Variants in FRY observed in about 807,000 individuals in gnomAD.
The protein encoded by FRY is FRY microtubule binding protein.
FRY carries 128 observed loss-of-function variants against 348.4 expected under a neutral mutation model. The ratio of observed to expected loss-of-function variants is 0.37; its 90% confidence interval spans 0.32 to 0.43. FRY has a LOEUF of 0.43. Ranked by LOEUF, FRY falls within the 20% of genes least tolerant of loss-of-function variation. The probability of loss-of-function intolerance (pLI) is 1.00; values close to 1 mark genes in which losing one functional copy is unlikely to be tolerated. For missense variants in FRY, 2,736 were observed against 3,695.2 expected, an observed-to-expected ratio of 0.74 and a Z score of 6.73; for synonymous variants, 1,370 against 1,374.7, an observed-to-expected ratio of 1.00 and a Z score of 0.08.
intron 1 of FRY, among the ~76,000 whole-genome samples, chr13:32,065,703 C>T (rs148334709): frequency 0.014 from 2,135 of 152,184 alleles, 49 homozygotes; most frequent in African/African-American, 0.048. Context: ...TGGGCTCAAG[C>T]GATCCTCCCG....
intron 3 of FRY, among the ~76,000 whole-genome samples, chr13:32,115,312 TA>T (rs1465187283): frequency 6.6e-6 from 1 of 152,206 alleles, no homozygotes; most frequent in African/African-American, 2.4e-5. Context: ...GTGAGTTAAC[TA>T]AGGATTTCCA....
At chr13:32,274,683 G>C (rs148517047) in intron 55 of FRY, among the ~76,000 whole-genome samples, 159 bp from the exon 56 acceptor site, 2 of 120,394 alleles carry the variant, frequency 1.7e-5, no homozygotes, top group Admixed American at 1.1e-4. Context: ...CAGCCTGGGC[G>C]ACAGAGCGAG....
At chr13:32,261,356 A>T in intron 51 of FRY, 2 of 580,688 alleles carry the variant, frequency 3.4e-6, no homozygotes, top group Non-Finnish European at 6.2e-6. Context: ...TCAACTTTTT[A>T]AAAAATGTAA....
At chr13:32,060,887 C>T (rs749785065) in intron 1 of FRY, 23 of 352,096 alleles carry the variant, frequency 6.5e-5, no homozygotes, top group African/African-American at 3.6e-4. Context: ...CTGCCCTGGA[C>T]GGAAGGCCTG....
At chr13:32,057,080 C>T (rs1873668286) in intron 1 of FRY, among the ~76,000 whole-genome samples, 1 of 152,168 alleles carries the variant, frequency 6.6e-6, no homozygotes, top group Non-Finnish European at 1.5e-5. Context: ...AAAGTTATTT[C>T]TTGCTTCCCA....
intron 1 of FRY, among the ~76,000 whole-genome samples, chr13:32,056,816 ATG>A (rs1566047302): frequency 2.0e-5 from 3 of 152,202 alleles, no homozygotes; most frequent in African/African-American, 7.2e-5. Flanking sequence ...GAAGACTAAC[ATG>A]TATGTATCTC....
At chr13:32,178,814 TCA>T in intron 21 of FRY, 28 bp from the exon 22 acceptor site, 1 of 1,484,848 alleles carries the variant, frequency 6.7e-7, no homozygotes, top group Non-Finnish European at 9.4e-7. Context: ...GAACTTAGTT[TCA>T]CTCTTGTTTT....
At chr13:32,289,764 A>T (rs377299413) in intron 59 of FRY, 21 bp downstream of exon 59, 3 of 1,247,012 alleles carry the variant, frequency 2.4e-6, no homozygotes, top group Non-Finnish European at 3.6e-6. Context: ...ACGCTTCCCA[A>T]CCCCACGTCC....
At chr13:32,078,797 A>G in intron 1 of FRY, 37 bp from the exon 2 acceptor site, 1 of 1,431,318 alleles carries the variant, frequency 7.0e-7, no homozygotes. Flanking sequence ...TTATGACATT[A>G]TTATCAGCCA....
chr13:32,059,771 C>T (rs1038710172), intron 1 of FRY, among the ~76,000 whole-genome samples: 2 of 152,138 alleles, frequency 1.3e-5, no homozygotes, highest in East Asian at 1.9e-4. Context: ...AAGGACTTTA[C>T]CCTCTTCTGT....
chr13:32,187,664 T>C lies in FRY; in HGVS notation c.3591+8T>C. ...GCTTGTCAAGATTTACGAGTAAGTATAGGCAAAAATACATTGTTTTTGAAT... is the reference window on the plus strand; with the variant it reads ...GCTTGTCAAGATTTACGAGTAAGTACAGGCAAAAATACATTGTTTTTGAAT... On this transcript the variant is annotated splice_region_variant and intron_variant, in intron 28 of 60. Coordinates refer to ENST00000542859, the MANE Select transcript of FRY (RefSeq NM_023037.3). 7.1e-7 allele frequency: 1 copy of C among 1,400,024 alleles called. No homozygotes were observed. Among genetic ancestry groups the C allele is most frequent in the African/African-American group, 1.4e-5 (1 of 70,948 alleles). 86.7% of individuals were successfully genotyped at this position (1,400,024 alleles called of 1,614,324 possible).
chr13:32,218,935 A>G lies in FRY; in HGVS notation c.4765+104A>G. The G allele has an allele frequency of 4.2e-6, 3 of 720,608 alleles. No homozygotes were observed. The South Asian group carries it at 4.4e-5, about 11-fold the overall frequency. 44.6% of individuals were successfully genotyped at this position (720,608 alleles called of 1,614,324 possible). ...TGGTCTGATTACTAAAAGGGCCTAT[A>G]GATATTAAGTAACCATTTAATCCAC... On this transcript the variant is annotated intron_variant, in intron 36 of 60. Coordinates refer to ENST00000542859, the MANE Select transcript of FRY (RefSeq NM_023037.3).
At chr13:32,228,787 T>G (rs182495223) in intron 40 of FRY, 133 bp downstream of exon 40, 7 of 772,010 alleles carry the variant, frequency 9.1e-6, no homozygotes, top group Non-Finnish European at 1.4e-5. Context: ...CAATTGCAAC[T>G]GCTGGAGTCT....
At chr13:32,050,399 G>C (rs1454031135) in intron 1 of FRY, among the ~76,000 whole-genome samples, 1 of 152,312 alleles carries the variant, frequency 6.6e-6, no homozygotes, top group Non-Finnish European at 1.5e-5. Flanking sequence ...GATGATCTCT[G>C]TCAGGTGCTT....
chr13:32,275,961 C>G (rs1888516336), intron 56 of FRY, among the ~76,000 whole-genome samples: 1 of 151,468 alleles, frequency 6.6e-6, no homozygotes, highest in South Asian at 2.1e-4. Context: ...TGAGGATGTG[C>G]TTTGATTTTA....
In FRY at chr13:32,239,236, A is replaced by G. The variant is rs777428610; in HGVS notation, c.6419-16A>G. On this transcript the variant is annotated splice_polypyrimidine_tract_variant and intron_variant, in intron 44 of 60. Coordinates refer to ENST00000542859, the MANE Select transcript of FRY (RefSeq NM_023037.3). The surrounding 1 kb of genome is among the most constrained non-coding windows in gnomAD (Gnocchi z 4.3). ...TACCATATTCAGCTATCTCCATTGT[A>G]TCTTCTCTAATCCAGGGTTTCCACT... The G allele has an allele frequency of 6.8e-7, 1 of 1,461,006 alleles. No individual in the cohort carries two copies. The highest frequency in any genetic ancestry group is 2.3e-5 in the East Asian group (1 of 44,238). The allele number at this position is 1,461,006 out of a possible 1,614,324, so 90.5% of individuals were successfully genotyped here.
At chr13:32,209,175 TC>T in intron 32 of FRY, 66 bp downstream of exon 32, 1 of 1,561,254 alleles carries the variant, frequency 6.4e-7, no homozygotes, top group Admixed American at 1.7e-5. Context: ...CCTGGGTTAG[TC>T]AAACCCCGGG....
chr13:32,076,037 G>C (rs1000291813), intron 1 of FRY, among the ~76,000 whole-genome samples: 15 of 152,202 alleles, frequency 9.9e-5, no homozygotes, highest in African/African-American at 3.6e-4. Flanking sequence ...TGATAGCAGT[G>C]AATTGGCTCT....
At chr13:32,094,195 C>CTCTTT (rs886126037) in intron 2 of FRY, among the ~76,000 whole-genome samples, 6 of 151,762 alleles carry the variant, frequency 4.0e-5, no homozygotes, top group African/African-American at 1.2e-4. Flanking sequence ...CTTTACAGTT[C>CTCTTT]TCTTTTCTTT....
Sources: allele counts gnomAD v4.1 joint callset (sites outside exome capture counted in the v4.1 genomes callset), GRCh38; gene constraint gnomAD v4.1.1; non-coding constraint Gnocchi (gnomAD v3.1); transcripts MANE v1.5; gene names NCBI Gene and HGNC (gene_info 2026-07-23, HGNC 2026-07-21).